HIVEP1: variants seen among roughly 807,000 people sequenced by gnomAD.
HIVEP1 encodes the protein HIVEP zinc finger 1.
HIVEP1 carries 36 observed loss-of-function variants against 180.0 expected under a neutral mutation model. That is an observed-to-expected ratio of 0.20 (90% CI 0.15 to 0.26). HIVEP1 has a LOEUF of 0.26. Ranked by LOEUF, HIVEP1 falls within the 10% of genes least tolerant of loss-of-function variation. The pLI, the probability that HIVEP1 is intolerant of heterozygous loss-of-function variation, is 1.00. For synonymous variants in HIVEP1, 1,239 were observed against 1,239.0 expected, an observed-to-expected ratio of 1.00 and a Z score of 0.00; for missense variants, 3,143 against 3,268.7, an observed-to-expected ratio of 0.96 and a Z score of 0.94.
At chr6:12,080,196 T>G (rs1416932983) in intron 2 of HIVEP1, among the ~76,000 whole-genome samples, 1 of 152,168 alleles carries the variant, frequency 6.6e-6, no homozygotes, top group Non-Finnish European at 1.5e-5. Context: ...GCTTTTGGAC[T>G]TTTAGCTCGG....
At chr6:12,165,643 G>C (rs1364160690), downstream of HIVEP1, among the ~76,000 whole-genome samples, 1 of 152,230 alleles carries the variant, frequency 6.6e-6, no homozygotes, top group Non-Finnish European at 1.5e-5. Flanking sequence ...CATTATTAAT[G>C]ATTATAGATG....
At chr6:12,060,361 A>G (rs1771146909) in intron 2 of HIVEP1, among the ~76,000 whole-genome samples, 1 of 152,268 alleles carries the variant, frequency 6.6e-6, no homozygotes, top group African/African-American at 2.4e-5. Context: ...CAATTACAGT[A>G]TAAACTAAAC....
chr6:12,016,640 T>C (rs1157522383), intron 2 of HIVEP1, among the ~76,000 whole-genome samples: 1 of 152,220 alleles, frequency 6.6e-6, no homozygotes, highest in African/African-American at 2.4e-5. Flanking sequence ...TGTCTAGAAA[T>C]CTCTGTTGCC....
intron 5 of HIVEP1, among the ~76,000 whole-genome samples, chr6:12,130,352 G>T (rs1429336207): frequency 6.6e-6 from 1 of 152,178 alleles, no homozygotes; most frequent in Non-Finnish European, 1.5e-5. Context: ...TTTAACCAAT[G>T]ACTTGGAAAC....
intron 2 of HIVEP1, among the ~76,000 whole-genome samples, chr6:12,025,438 G>A (rs186087895): frequency 6.6e-6 from 1 of 152,224 alleles, no homozygotes; most frequent in African/African-American, 2.4e-5. Context: ...GGAAAGAATA[G>A]TTGTCTCATC....
At position 12,121,139 on chromosome 6, in the gene HIVEP1, T is replaced by C; in HGVS notation, c.1344T>C (p.Asn448=). ...GATTTTCATTTAAGACTAAAAGTAATCTGTATAAGCACAAGAAATCCCACG... is the reference window on the plus strand; with the variant it reads ...GATTTTCATTTAAGACTAAAAGTAACCTGTATAAGCACAAGAAATCCCACG... ...TCGFSFKTKS[N]LYKHKKSHAH... is the part of the protein sequence containing the mutation. Residue 448 remains asparagine, a synonymous_variant, in exon 4 of 9, where the codon AAT becomes AAC. Transcript: ENST00000379388. This position sits in a 1 kb window ranked among gnomAD's most constrained non-coding sequence, Gnocchi z 5.3. 1.2e-6 allele frequency: 2 copies of C among 1,614,162 alleles called. No homozygotes were observed. Among genetic ancestry groups the C allele is most frequent in the Non-Finnish European group, 1.7e-6 (2 of 1,180,028 alleles).
chr6:12,015,243 G>T (rs955597402), intron 1 of HIVEP1, among the ~76,000 whole-genome samples: 2 of 152,190 alleles, frequency 1.3e-5, no homozygotes, highest in Non-Finnish European at 2.9e-5. Context: ...AGCCTGATGC[G>T]ATACTTTACT....
chr6:12,075,396 T>C (rs914580202), intron 2 of HIVEP1, among the ~76,000 whole-genome samples: 3 of 152,230 alleles, frequency 2.0e-5, no homozygotes, highest in Admixed American at 1.3e-4. Context: ...TCAGAAATTA[T>C]TTCCTTTCCT....
At chr6:12,158,261 G>C (rs1244486953) in intron 7 of HIVEP1, among the ~76,000 whole-genome samples, 3 of 152,136 alleles carry the variant, frequency 2.0e-5, no homozygotes, top group Non-Finnish European at 2.9e-5. Context: ...CCTTCCTAGA[G>C]GCCTTTAGTG....
rs546839716 is a variant in HIVEP1, at chr6:12,108,542, G to A, written c.95-11348G>A. ...GTCCCGAGCCCTGCCCCGCAGGAAG[G>A]CAGCTAATGCCCGGCGAGAAATCGA... On this transcript the variant is annotated intron_variant, in intron 3 of 8. Coordinates refer to ENST00000379388, the MANE Select transcript of HIVEP1 (RefSeq NM_002114.4). Among the ~76,000 whole-genome samples, 56 of 152,372 alleles carry A rather than the reference G, an allele frequency of 3.7e-4. No individual in the cohort carries two copies. The East Asian group carries it at 6.6e-3, about 18-fold the overall frequency.
chr6:12,143,147 G>T (rs1485023377), intron 7 of HIVEP1, among the ~76,000 whole-genome samples: 1 of 152,168 alleles, frequency 6.6e-6, no homozygotes, highest in East Asian at 1.9e-4. Context: ...TAAAATACTG[G>T]CAAACCAAAC....
chr6:12,080,611 A>G (rs1772723434), intron 2 of HIVEP1, among the ~76,000 whole-genome samples: 1 of 152,174 alleles, frequency 6.6e-6, no homozygotes, highest in Admixed American at 6.5e-5. Context: ...AAGAAACAAC[A>G]TTTAGTTGAT....
At chr6:12,087,306 C>T (rs1581656940) in intron 2 of HIVEP1, among the ~76,000 whole-genome samples, 1 of 152,198 alleles carries the variant, frequency 6.6e-6, no homozygotes, top group East Asian at 1.9e-4. Context: ...AACAGCTATT[C>T]TGTAAGTATT....
chr6:12,030,822 A>G (rs1404034469), intron 2 of HIVEP1, among the ~76,000 whole-genome samples: 2 of 152,196 alleles, frequency 1.3e-5, no homozygotes, highest in Non-Finnish European at 2.9e-5. Flanking sequence ...AGTATGGGTC[A>G]CACTTTCTTA....
At chr6:12,108,782 C>G (rs546778610) in intron 3 of HIVEP1, among the ~76,000 whole-genome samples, 1 of 152,292 alleles carries the variant, frequency 6.6e-6, no homozygotes, top group African/African-American at 2.4e-5. Flanking sequence ...CTCCACACCT[C>G]CCTGCAAGCT....
At chr6:12,194,882 C>G in the HIVEP1 span, among the ~76,000 whole-genome samples, 1 of 152,178 alleles carries the variant, frequency 6.6e-6, no homozygotes, top group Non-Finnish European at 1.5e-5. Context: ...AGCCAAAGGG[C>G]TTTGAAAGCT....
chr6:12,165,687 A>G (rs1475397611), downstream of HIVEP1, among the ~76,000 whole-genome samples: 1 of 152,248 alleles, frequency 6.6e-6, no homozygotes, highest in Non-Finnish European at 1.5e-5. Context: ...TAATGTTGGA[A>G]TTTAAATACT....
intron 3 of HIVEP1, among the ~76,000 whole-genome samples, chr6:12,114,170 C>T (rs558056166): frequency 5.9e-4 from 90 of 152,228 alleles, no homozygotes; most frequent in East Asian, 9.7e-4. Flanking sequence ...GCGGGCCCTG[C>T]GCGTCCTCAT....
At chr6:12,100,102 G>A (rs967205275) in intron 3 of HIVEP1, among the ~76,000 whole-genome samples, 1 of 152,228 alleles carries the variant, frequency 6.6e-6, no homozygotes, top group African/African-American at 2.4e-5. Flanking sequence ...AAGAACTGAG[G>A]ATTCCAGATT....
Sources: allele counts gnomAD v4.1 joint callset (sites outside exome capture counted in the v4.1 genomes callset), GRCh38; gene constraint gnomAD v4.1.1; non-coding constraint Gnocchi (gnomAD v3.1); transcripts MANE v1.5; gene names NCBI Gene and HGNC (gene_info 2026-07-23, HGNC 2026-07-21).